Variants in SRGAP2B observed in about 807,000 individuals in gnomAD.
SRGAP2B encodes SLIT-ROBO Rho GTPase activating protein 2B.
In SRGAP2B, 9 loss-of-function variants were observed where a neutral mutation model predicts 22.2. The observed-to-expected ratio is 0.41, with a 90% CI of 0.24 to 0.71. SRGAP2B has a LOEUF of 0.71. Ranked by LOEUF, SRGAP2B falls within the 30% of genes least tolerant of loss-of-function variation. The probability of loss-of-function intolerance (pLI) is 0.35; values close to 1 mark genes in which losing one functional copy is unlikely to be tolerated. For synonymous variants in SRGAP2B, 36 were observed against 87.4 expected (o/e 0.41, Z 3.28); for missense variants, 114 against 235.8 (o/e 0.48, Z 3.38).
Position 144,901,711 on chromosome 1 carries a change from CTT to C in SRGAP2B, c.831+3378_831+3379del, listed in dbSNP as rs2101683706. ...TTTCTGAGGCAATGGAAAGATATCT[CTT>C]ATCAAAATATTTATTCTATATCTTG... On this transcript the variant is annotated intron_variant, in intron 7 of 9. Transcript: ENST00000612199. Among the ~76,000 whole-genome samples the C allele has an allele frequency of 1.4e-5, 2 of 140,908 alleles. 1 individual carries two copies. The highest frequency in any genetic ancestry group is 6.1e-5 in the African/African-American group (2 of 32,604). The allele number at this position is 140,908 out of a possible 152,430, so 92.4% of individuals were successfully genotyped here. A position where few individuals can be genotyped will look rare whatever the true frequency, so the allele number is the denominator to read the frequency against.
At chr1:145,081,453 T>G (rs1454373261) in intron 2 of SRGAP2B, among the ~76,000 whole-genome samples, 1 of 150,526 alleles carries the variant, frequency 6.6e-6, no homozygotes, top group Non-Finnish European at 1.5e-5. Flanking sequence ...ATGACAAAGC[T>G]AAACTAGAAC....
chr1:144,963,737 G>A (rs587620188), intron 3 of SRGAP2B, among the ~76,000 whole-genome samples: 1 of 152,144 alleles, frequency 6.6e-6, no homozygotes, highest in South Asian at 2.1e-4. Context: ...GTGCCAAAGT[G>A]GAATGACGTC....
At chr1:144,971,424 C>G (rs1292674713) in intron 3 of SRGAP2B, among the ~76,000 whole-genome samples, 1 of 150,314 alleles carries the variant, frequency 6.7e-6, no homozygotes, top group African/African-American at 2.5e-5. Context: ...AACCACCGCA[C>G]CCGGCCCATA....
At chr1:144,944,102 G>A (rs1553607953) in intron 4 of SRGAP2B, among the ~76,000 whole-genome samples, 1 of 150,014 alleles carries the variant, frequency 6.7e-6, no homozygotes. Flanking sequence ...CAAGATCAAG[G>A]TGATCAACCA....
intron 4 of SRGAP2B, among the ~76,000 whole-genome samples, chr1:144,931,717 C>T (rs1665198415): frequency 1.3e-5 from 2 of 148,544 alleles, no homozygotes; most frequent in Non-Finnish European, 3.0e-5. Context: ...TCACCACGCA[C>T]CCTGGCCACA....
intron 4 of SRGAP2B, among the ~76,000 whole-genome samples, chr1:144,920,987 C>A (rs1198311927): frequency 1.3e-5 from 2 of 149,266 alleles, no homozygotes; most frequent in Non-Finnish European, 2.9e-5. Flanking sequence ...ATAAAGAGTC[C>A]ATCAGCAAAT....
intron 2 of SRGAP2B, among the ~76,000 whole-genome samples, chr1:145,044,076 C>T (rs1320887894): frequency 5.0e-4 from 11 of 21,878 alleles, no homozygotes; most frequent in Non-Finnish European, 6.5e-4. Flanking sequence ...AGGCTGTAAT[C>T]GCAGGAGAGG....
chr1:145,073,012 A>G (rs1553633744), intron 2 of SRGAP2B, among the ~76,000 whole-genome samples: 3 of 148,336 alleles, frequency 2.0e-5, no homozygotes. Flanking sequence ...GGGGCCTCCA[A>G]CCAAACTCGG....
chr1:145,063,021 G>T (rs1239756573), intron 2 of SRGAP2B, among the ~76,000 whole-genome samples: 1 of 150,246 alleles, frequency 6.7e-6, no homozygotes, highest in African/African-American at 2.5e-5. Flanking sequence ...TAAACTTCCA[G>T]CTCCAGAACA....
intron 3 of SRGAP2B, among the ~76,000 whole-genome samples, chr1:144,980,078 GAGA>G (rs1669207966): frequency 6.7e-6 from 1 of 149,642 alleles, no homozygotes; most frequent in Non-Finnish European, 1.5e-5. Flanking sequence ...AGTGAGAGAG[GAGA>G]AGGAGGGGAG....
At chr1:144,932,154 A>T (rs1665235333) in intron 4 of SRGAP2B, among the ~76,000 whole-genome samples, 1 of 148,560 alleles carries the variant, frequency 6.7e-6, no homozygotes, top group African/African-American at 2.6e-5. Flanking sequence ...AGAAAACAAC[A>T]ACAGGCCTTC....
chr1:144,969,527 A>G (rs1553612866), intron 3 of SRGAP2B, among the ~76,000 whole-genome samples: 2 of 135,222 alleles, frequency 1.5e-5, no homozygotes, highest in South Asian at 5.1e-4. Context: ...GTTAGACCTA[A>G]AACCATAAAA....
intron 3 of SRGAP2B, among the ~76,000 whole-genome samples, chr1:144,988,889 G>C (rs1449655105): frequency 7.2e-6 from 1 of 139,484 alleles, no homozygotes; most frequent in Non-Finnish European, 1.5e-5. Flanking sequence ...AGAGACACTG[G>C]GTCACCTCTG....
At chr1:144,944,694 TATTTA>T (rs2101892649) in intron 4 of SRGAP2B, among the ~76,000 whole-genome samples, 1 of 144,828 alleles carries the variant, frequency 6.9e-6, no homozygotes, top group Admixed American at 6.9e-5. Context: ...TTTATTTATT[TATTTA>T]TTTATTTATT....
intron 4 of SRGAP2B, 38 bp downstream of exon 4, chr1:144,955,401 C>T (rs781868436): frequency 3.2e-6 from 5 of 1,555,896 alleles, no homozygotes; most frequent in South Asian, 2.3e-5. Flanking sequence ...TGTGTCATTG[C>T]TCCACCCAAG....
intron 7 of SRGAP2B, among the ~76,000 whole-genome samples, chr1:144,902,761 C>CAAA (rs3976117): frequency 1.5e-4 from 15 of 100,488 alleles, no homozygotes; most frequent in Middle Eastern, 4.2e-3. Context: ...GACTCCTTCT[C>CAAA]AAAAAAAAAA....
At chr1:144,972,810 T>C (rs1475461248) in intron 3 of SRGAP2B, among the ~76,000 whole-genome samples, 2 of 146,142 alleles carry the variant, frequency 1.4e-5, no homozygotes, top group African/African-American at 5.3e-5. Context: ...TAGAAGAGAA[T>C]AACAGAAAAA....
Position 145,080,885 on chromosome 1 carries a change from T to C in SRGAP2B, c.67+11950A>G, listed in dbSNP as rs587667531. ...TCAACGTATTAATAAGCAAAAATAA[T>C]GAACCCTGAAAGCTGGAAGGACCTT... On this transcript the variant is annotated intron_variant, in intron 2 of 9. Transcript: ENST00000612199. Among the ~76,000 whole-genome samples, 1,329 of 149,652 alleles carry C rather than the reference T, an allele frequency of 8.9e-3. 154 individuals are homozygous for C. The highest frequency in any genetic ancestry group is 0.032 in the African/African-American group (1,266 of 39,518).
At chr1:145,087,421 C>CT in intron 2 of SRGAP2B, among the ~76,000 whole-genome samples, 1 of 56,010 alleles carries the variant, frequency 1.8e-5, no homozygotes, top group Non-Finnish European at 3.2e-5. Flanking sequence ...ATATCAACTG[C>CT]TTTTTCCCTG....
Sources: gnomAD v4.1 joint callset for allele counts (sites outside exome capture counted in the v4.1 genomes callset) on GRCh38, gnomAD v4.1.1 for gene constraint, MANE v1.5 for transcripts, NCBI Gene and HGNC (gene_info 2026-07-23, HGNC 2026-07-21) for gene names.